The following CUL2 variants were observed in gnomAD, a reference collection of about 807,000 sequenced individuals.
The protein encoded by CUL2 is cullin 2.
In CUL2, 22 loss-of-function variants were observed where a neutral mutation model predicts 110.2. That is an observed-to-expected ratio of 0.20 (90% confidence interval 0.14 to 0.28). The LOEUF (loss-of-function observed/expected upper bound fraction) is 0.28, where lower values mean the gene tolerates loss of function less well. Among genes scored for constraint, CUL2 ranks in the 10% least tolerant of loss-of-function variants. The probability of loss-of-function intolerance (pLI) is 1.00; values close to 1 mark genes in which losing one functional copy is unlikely to be tolerated. For synonymous variants in CUL2, 279 were observed against 293.2 expected, an observed-to-expected ratio of 0.95 and a Z score of 0.49; for missense variants, 631 against 905.5, an observed-to-expected ratio of 0.70 and a Z score of 3.89.
chr10:35,106,425 T>TTC (rs2087456998), intron 1 of CUL2, among the ~76,000 whole-genome samples: 1 of 151,936 alleles, frequency 6.6e-6, no homozygotes, highest in Non-Finnish European at 1.5e-5. Flanking sequence ...GTTCACGCCA[T>TTC]TCTCCTGCCT....
chr10:35,104,635 C>G (rs911313602), intron 1 of CUL2, among the ~76,000 whole-genome samples: 4 of 152,048 alleles, frequency 2.6e-5, no homozygotes, highest in African/African-American at 7.2e-5. Context: ...AATACAGGCA[C>G]TCAATAAATT....
intron 1 of CUL2, among the ~76,000 whole-genome samples, chr10:35,075,157 T>C (rs969605026): frequency 5.3e-5 from 8 of 152,158 alleles, no homozygotes; most frequent in African/African-American, 1.4e-4. Flanking sequence ...CTTGGATGGA[T>C]AGCAAATCTG....
chr10:35,105,082 AC>A (rs950564820), intron 1 of CUL2, among the ~76,000 whole-genome samples: 2 of 151,904 alleles, frequency 1.3e-5, no homozygotes. Context: ...AACAAACAAC[AC>A]GACATTCAAT....
At chr10:35,100,038 T>G (rs1305228950) in intron 2 of CUL2, among the ~76,000 whole-genome samples, 2 of 152,026 alleles carry the variant, frequency 1.3e-5, no homozygotes, top group Non-Finnish European at 2.9e-5. Context: ...ACTCCTGGTC[T>G]CAAGCAATCC....
At position 35,029,470 on chromosome 10, in the gene CUL2, T is replaced by G. The variant is rs1431931151; in HGVS notation, c.1539+18A>C. On this transcript the variant is annotated intron_variant, in intron 15 of 20. Transcript: ENST00000374749. Reference sequence around the variant, plus strand: ...TGAAATGATTAGTAAATGCTCATAGTAAAACACATATTCATACCTGTAGAA... The same window carrying G: ...TGAAATGATTAGTAAATGCTCATAGGAAAACACATATTCATACCTGTAGAA... The G allele has an allele frequency of 6.9e-7, 1 of 1,457,310 alleles. No individual in the cohort carries two copies. Among genetic ancestry groups the G allele is most frequent in the Admixed American group, 2.4e-5 (1 of 42,020 alleles). The allele number at this position is 1,457,310 out of a possible 1,614,324, so 90.3% of individuals were successfully genotyped here. A position where few individuals can be genotyped will look rare whatever the true frequency, so the allele number is the denominator to read the frequency against.
intron 6 of CUL2, among the ~76,000 whole-genome samples, chr10:35,047,996 T>C (rs2085993915): frequency 6.6e-6 from 1 of 152,110 alleles, no homozygotes; most frequent in South Asian, 2.1e-4. Context: ...AGATGGAGGC[T>C]GGAGTCAAAT....
intron 1 of CUL2, among the ~76,000 whole-genome samples, chr10:35,083,202 A>G (rs1478085360): frequency 6.6e-6 from 1 of 152,004 alleles, no homozygotes; most frequent in Admixed American, 6.6e-5. Flanking sequence ...GCTATCTTCT[A>G]TTTCCCACCG....
chr10:35,095,974 C>A (rs1047436348), intron 2 of CUL2, among the ~76,000 whole-genome samples: 1 of 152,088 alleles, frequency 6.6e-6, no homozygotes. Context: ...TGAGGCTGGG[C>A]GTGATGGCTT....
intron 9 of CUL2, 54 bp downstream of exon 9, chr10:35,038,866 G>C: frequency 8.3e-7 from 1 of 1,204,282 alleles, no homozygotes; most frequent in Non-Finnish European, 1.2e-6. Context: ...ACTAGAGGAT[G>C]ATATAAAAGG....
chr10:35,086,630 T>G (rs1351575644), intron 1 of CUL2, among the ~76,000 whole-genome samples: 6 of 150,642 alleles, frequency 4.0e-5, no homozygotes, highest in Non-Finnish European at 7.4e-5. Context: ...GGTCAAAAAC[T>G]TAACGAGACC....
intron 11 of CUL2, 25 bp downstream of exon 11, chr10:35,033,141 T>G: frequency 7.1e-7 from 1 of 1,404,520 alleles, no homozygotes. Flanking sequence ...TGTACATATA[T>G]AGTATATATG....
intron 18 of CUL2, among the ~76,000 whole-genome samples, chr10:35,014,611 T>C (rs1447952414): frequency 1.3e-5 from 2 of 151,912 alleles, no homozygotes; most frequent in East Asian, 1.9e-4. Context: ...GGTGGGCAGA[T>C]TACTTGAGCT....
intron 17 of CUL2, among the ~76,000 whole-genome samples, chr10:35,016,692 C>T (rs529504971): frequency 5.3e-5 from 8 of 152,032 alleles, no homozygotes; most frequent in Admixed American, 2.6e-4. Flanking sequence ...TGTGGGAGGC[C>T]GAGGCAGACA....
chr10:35,079,152 TAACA>T (rs1206030746), intron 1 of CUL2, among the ~76,000 whole-genome samples: 1 of 152,154 alleles, frequency 6.6e-6, no homozygotes, highest in East Asian at 1.9e-4. Context: ...AGTAAGAGAT[TAACA>T]AAAACTAGCA....
At chr10:35,039,514 A>T (rs539945165) in intron 8 of CUL2, among the ~76,000 whole-genome samples, 8 of 152,246 alleles carry the variant, frequency 5.3e-5, no homozygotes, top group Non-Finnish European at 1.0e-4. Flanking sequence ...CTCTTCTTGT[A>T]AATGGAACTG....
intron 1 of CUL2, among the ~76,000 whole-genome samples, chr10:35,107,775 G>A (rs1028291796): frequency 4.7e-5 from 7 of 149,944 alleles, no homozygotes; most frequent in Admixed American, 6.8e-5. Flanking sequence ...CCAGCAACTC[G>A]GGAGGCTGAG....
chr10:35,025,403 A>G (rs754411084), intron 16 of CUL2, among the ~76,000 whole-genome samples: 1 of 152,178 alleles, frequency 6.6e-6, no homozygotes, highest in Non-Finnish European at 1.5e-5. Flanking sequence ...CAGCTCTTTT[A>G]ATTGACAACT....
chr10:35,081,995 C>A (rs533856450), intron 1 of CUL2, among the ~76,000 whole-genome samples: 18 of 152,210 alleles, frequency 1.2e-4, no homozygotes, highest in Admixed American at 3.9e-4. Context: ...CTTGACACCT[C>A]CTGTTTACAA....
At chr10:35,103,654 T>A (rs562276522) in intron 1 of CUL2, among the ~76,000 whole-genome samples, 9 of 151,908 alleles carry the variant, frequency 5.9e-5, no homozygotes, top group Non-Finnish European at 1.3e-4. Context: ...GAGACGAGGT[T>A]TAAGTATGTA....
Sources: gnomAD v4.1 joint callset for allele counts (sites outside exome capture counted in the v4.1 genomes callset) on GRCh38, gnomAD v4.1.1 for gene constraint, MANE v1.5 for transcripts, NCBI Gene and HGNC (gene_info 2026-07-23, HGNC 2026-07-21) for gene names.